The following ST3GAL1 variants were observed in gnomAD, a reference collection of about 807,000 sequenced individuals.
The protein encoded by ST3GAL1 is CMP-N-acetylneuraminate-beta-galactosamide-alpha-2,3-sialyltransferase 1.
ST3GAL1 carries 16 observed loss-of-function variants against 34.1 expected under a neutral mutation model. The ratio of observed to expected loss-of-function variants is 0.47; its 90% CI spans 0.32 to 0.71. The LOEUF is 0.71. Ranked by LOEUF, ST3GAL1 falls within the 30% of genes least tolerant of loss-of-function variation. The pLI is 0.04. For synonymous variants in ST3GAL1, 191 were observed against 184.7 expected, an observed-to-expected ratio of 1.03 and a Z score of -0.28; for missense variants, 353 against 447.4, an observed-to-expected ratio of 0.79 and a Z score of 1.90.
At chr8:133,513,253 G>A (rs1817548123) in intron 2 of ST3GAL1, among the ~76,000 whole-genome samples, 2 of 152,076 alleles carry the variant, frequency 1.3e-5, no homozygotes, top group Admixed American at 6.5e-5. Context: ...CTTTGCCCCT[G>A]TCTGCAGCAG....
chr8:133,556,038 C>T lies in ST3GAL1; in HGVS notation c.-581-10112G>A, dbSNP rs1183387001. 6.6e-6 allele frequency among the ~76,000 whole-genome samples: 1 copy of T among 152,018 alleles called. No individual in the cohort carries two copies. Among genetic ancestry groups the T allele is most frequent in the Non-Finnish European group, 1.5e-5 (1 of 68,006 alleles). ...CCTCCCGCGTAGCTGGGATTACAGG[C>T]ACCTGCCACCACGCCTGGCTGATTT... On this transcript the variant is annotated intron_variant, in intron 1 of 9. Coordinates refer to ENST00000522652, the MANE Select transcript of ST3GAL1 (RefSeq NM_173344.3). The surrounding 1 kb of genome is among the most constrained non-coding windows in gnomAD (Gnocchi z 8.9).
At position 133,476,433 on chromosome 8, in the gene ST3GAL1, C is replaced by A; in HGVS notation, c.-206G>T. 6.3e-6 allele frequency: 1 copy of A among 159,268 alleles called. No individual in the cohort carries two copies. Among genetic ancestry groups the A allele is most frequent in the Admixed American group, 6.0e-5 (1 of 16,582 alleles). The allele number at this position is 159,268 out of a possible 1,614,324, so 9.9% of individuals were successfully genotyped here. On this transcript the variant is annotated 5_prime_UTR_variant, in exon 4 of 10. It adds an upstream start codon to the 5' untranslated region. Coordinates refer to ENST00000522652, the MANE Select transcript of ST3GAL1 (RefSeq NM_173344.3). Reference sequence around the variant, plus strand: ...TCCAGGGTCCCTCAGGAGCGAGGACCTCGAAGGAAGGGTGTTGGTATAGCG... The same window carrying A: ...TCCAGGGTCCCTCAGGAGCGAGGACATCGAAGGAAGGGTGTTGGTATAGCG...
In ST3GAL1 at chr8:133,471,134, C is replaced by T. The variant is rs535146533; in HGVS notation, c.306+4585G>A. On this transcript the variant is annotated intron_variant, in intron 5 of 9. Transcript: ENST00000522652. Reference sequence around the variant, plus strand: ...GGGTGGCACCACTGGGGCCTCACCGCAGGCCTCATTCCAATCCCCAGCTGC... The same window carrying T: ...GGGTGGCACCACTGGGGCCTCACCGTAGGCCTCATTCCAATCCCCAGCTGC... Among the ~76,000 whole-genome samples the T allele has an allele frequency of 1.3e-3, 194 of 152,296 alleles. 1 individual carries two copies. The highest frequency in any genetic ancestry group is 4.5e-3 in the African/African-American group (189 of 41,562).
intron 1 of ST3GAL1, among the ~76,000 whole-genome samples, chr8:133,547,427 C>T (rs1415865802): frequency 4.6e-5 from 7 of 152,124 alleles, no homozygotes; most frequent in African/African-American, 1.7e-4. Context: ...TGCTATCACA[C>T]CAGGCTAATT....
chr8:133,473,144 C>T (rs1816030321), intron 5 of ST3GAL1, among the ~76,000 whole-genome samples: 1 of 152,126 alleles, frequency 6.6e-6, no homozygotes, highest in African/African-American at 2.4e-5. Flanking sequence ...TGGCTTATAT[C>T]CAGAAGCTGA....
chr8:133,565,887 T>C (rs1414778798), intron 1 of ST3GAL1, among the ~76,000 whole-genome samples: 3 of 151,572 alleles, frequency 2.0e-5, no homozygotes, highest in Non-Finnish European at 4.4e-5. Flanking sequence ...GTGGTTTCCC[T>C]GCAGGGATTC....
At chr8:133,506,956 T>TAAATA (rs139156074) in intron 2 of ST3GAL1, among the ~76,000 whole-genome samples, 1 of 147,860 alleles carries the variant, frequency 6.8e-6, no homozygotes. Context: ...AATAAATAAA[T>TAAATA]AATAAATAAA....
rs1410627938 is a variant in ST3GAL1, at chr8:133,465,876, A to G, written c.503+18T>C. On this transcript the variant is annotated intron_variant, in intron 6 of 9. Coordinates refer to ENST00000522652, the MANE Select transcript of ST3GAL1 (RefSeq NM_173344.3). Reference sequence around the variant, plus strand: ...CTGGGTGCAGCACGGTAGGCTTGGGAGAGGGTCTGGCACTCACCTGAGGAC... The same window carrying G: ...CTGGGTGCAGCACGGTAGGCTTGGGGGAGGGTCTGGCACTCACCTGAGGAC... The G allele has an allele frequency of 6.2e-7, 1 of 1,608,286 alleles. No individual in the cohort carries two copies. The highest frequency in any genetic ancestry group is 1.1e-5 in the South Asian group (1 of 90,486).
At chr8:133,496,946 A>T (rs1208381219) in intron 3 of ST3GAL1, among the ~76,000 whole-genome samples, 1 of 152,194 alleles carries the variant, frequency 6.6e-6, no homozygotes, top group Non-Finnish European at 1.5e-5. Context: ...AGTCAGAGAG[A>T]ACCTGGGGTC....
chr8:133,484,923 A>G (rs1816528112), intron 3 of ST3GAL1, among the ~76,000 whole-genome samples: 1 of 152,132 alleles, frequency 6.6e-6, no homozygotes, highest in Non-Finnish European at 1.5e-5. Flanking sequence ...GGGAATTGTG[A>G]TGGGAGACTG....
At position 133,459,593 on chromosome 8, in the gene ST3GAL1, G is replaced by A. The variant is rs1302879562; in HGVS notation, c.*171C>T. On this transcript the variant is annotated 3_prime_UTR_variant, in exon 10 of 10. Coordinates refer to ENST00000522652, the MANE Select transcript of ST3GAL1 (RefSeq NM_173344.3). The surrounding 1 kb of genome is among the most constrained non-coding windows in gnomAD (Gnocchi z 4.7). ...CTCTGCCACGCTGGCAGAGCTTAGT[G>A]ACCTTGCTGAGTAGATGCTGCCAAC... The A allele has an allele frequency of 1.6e-5, 11 of 705,436 alleles. No homozygotes were observed. Among genetic ancestry groups the A allele is most frequent in the Admixed American group, 1.1e-4 (3 of 27,856 alleles). The allele number at this position is 705,436 out of a possible 1,614,324, so 43.7% of individuals were successfully genotyped here. A position where few individuals can be genotyped will look rare whatever the true frequency, so the allele number is the denominator to read the frequency against.
intron 3 of ST3GAL1, among the ~76,000 whole-genome samples, chr8:133,486,671 C>CAA (rs1816614972): frequency 6.6e-6 from 1 of 152,192 alleles, no homozygotes; most frequent in Non-Finnish European, 1.5e-5. Context: ...CATTTCTCTC[C>CAA]TTATGTCGAT....
rs200820884 is a variant in ST3GAL1 at position 133,541,425 on chromosome 8, C to G, written c.-429+4349G>C. On this transcript the variant is annotated intron_variant, in intron 2 of 9. Coordinates refer to ENST00000522652, the MANE Select transcript of ST3GAL1 (RefSeq NM_173344.3). ...CTGGTTCTGTAATCACACCCTCAAC[C>G]TGATCAAGGTCTTCACAAGGACAGG... is the stretch of plus-strand genomic sequence containing the variant. Among the ~76,000 whole-genome samples, 11 of 152,192 alleles carry G rather than the reference C, an allele frequency of 7.2e-5. No individual in the cohort carries two copies. The East Asian group carries it at 1.9e-3, about 27-fold the overall frequency.
At chr8:133,505,850 C>G (rs974634385) in intron 2 of ST3GAL1, among the ~76,000 whole-genome samples, 1 of 152,162 alleles carries the variant, frequency 6.6e-6, no homozygotes, top group Non-Finnish European at 1.5e-5. Flanking sequence ...ATCCACCCAC[C>G]TCGGCCTCCC....
intron 1 of ST3GAL1, among the ~76,000 whole-genome samples, chr8:133,562,682 A>C (rs1819262565): frequency 6.6e-6 from 1 of 152,108 alleles, no homozygotes; most frequent in African/African-American, 2.4e-5. Context: ...CAGCACACTA[A>C]AGGCAGGGAA....
At position 133,541,118 on chromosome 8, in the gene ST3GAL1, T is replaced by TAG. The variant is rs1243400532; in HGVS notation, c.-429+4655_-429+4656insCT. On this transcript the variant is annotated intron_variant, in intron 2 of 9. Coordinates refer to ENST00000522652, the MANE Select transcript of ST3GAL1 (RefSeq NM_173344.3). ...AAACATATATATATATATATATATA[T>TAG]ATAGAGAGAGAGAGAGAGAGAGAGA... Among the ~76,000 whole-genome samples, 388 of 52,142 alleles carry TAG rather than the reference T, an allele frequency of 7.4e-3. 40 individuals carry two copies. The highest frequency in any genetic ancestry group is 0.019 in the Middle Eastern group (1 of 52). The allele number at this position is 52,142 out of a possible 152,430, so 34.2% of individuals were successfully genotyped here. A position where few individuals can be genotyped will look rare whatever the true frequency, so the allele number is the denominator to read the frequency against.
chr8:133,463,390 A>G, intron 8 of ST3GAL1, 24 bp downstream of exon 8: 1 of 1,613,650 alleles, frequency 6.2e-7, no homozygotes, highest in Non-Finnish European at 8.5e-7. Flanking sequence ...AACTTAGAAC[A>G]GAGGGGCCGG....
chr8:133,471,520 T>A (rs1009399257), intron 5 of ST3GAL1, among the ~76,000 whole-genome samples: 9 of 152,174 alleles, frequency 5.9e-5, no homozygotes, highest in African/African-American at 2.2e-4. Context: ...AGAAAGGTGA[T>A]CTTATAGACC....
intron 1 of ST3GAL1, among the ~76,000 whole-genome samples, chr8:133,552,379 T>C (rs899932707): frequency 1.3e-5 from 2 of 152,158 alleles, no homozygotes; most frequent in African/African-American, 4.8e-5. Context: ...GAGTGAGGAA[T>C]GGTGAGAGGA....
Sources: gnomAD v4.1 joint callset for allele counts (sites outside exome capture counted in the v4.1 genomes callset) on GRCh38, gnomAD v4.1.1 for gene constraint, Gnocchi (gnomAD v3.1) non-coding constraint, MANE v1.5 for transcripts, NCBI Gene and HGNC (gene_info 2026-07-23, HGNC 2026-07-21) for gene names.